Variants in WDR83 observed in about 807,000 individuals in gnomAD.
The protein encoded by WDR83 is WD repeat domain-containing protein 83.
In WDR83, 37 loss-of-function variants were observed where a neutral mutation model predicts 37.7. The ratio of observed to expected loss-of-function variants is 0.98; its 90% CI spans 0.76 to 1.29. The LOEUF is 1.29. Among genes scored for constraint, WDR83 ranks in the 50% most tolerant of loss-of-function variants. The pLI, the probability that WDR83 is intolerant of heterozygous loss-of-function variation, is 0.00. For missense variants in WDR83, 445 were observed against 414.4 expected (o/e 1.07, Z -0.64); for synonymous variants, 174 against 181.1 (o/e 0.96, Z 0.31).
At position 12,672,867 on chromosome 19, in the gene WDR83, G is replaced by A; in HGVS notation, c.527G>A (p.Arg176Lys). Residue 176 changes from arginine to lysine, a missense_variant, in exon 8 of 11, where the codon AGA (arginine) becomes AAA (lysine). Physicochemically the swap from Arg to Lys is conservative, Grantham distance 26. Coordinates refer to ENST00000418543, the MANE Select transcript of WDR83 (RefSeq NM_001099737.3). ...ILAGSVDGRVRRYDLRMGQLF... is the reference protein window; with the variant it reads ...ILAGSVDGRVKRYDLRMGQLF... ...TGCAGCTCCGTGGATGGCCGCGTGAGACGCTATGACCTAAGGATGGGGCAG... is the reference window on the plus strand; with the variant it reads ...TGCAGCTCCGTGGATGGCCGCGTGAAACGCTATGACCTAAGGATGGGGCAG... 1.3e-6 allele frequency: 2 copies of A among 1,591,084 alleles called. No homozygotes were observed. The highest frequency in any genetic ancestry group is 1.7e-6 in the Non-Finnish European group (2 of 1,168,608).
chr19:12,667,081 ACCTTCAG>A (rs1202674625), intron 1 of WDR83, 89 bp downstream of exon 1: 1 of 288,420 alleles, frequency 3.5e-6, no homozygotes, highest in Non-Finnish European at 6.6e-6. Flanking sequence ...CGTCCCATGG[ACCTTCAG>A]CGCTAGGGTC....
intron 1 of WDR83, 67 bp from the exon 2 acceptor site, chr19:12,668,441 G>T (rs1483685832): frequency 5.0e-6 from 8 of 1,613,432 alleles, no homozygotes; most frequent in Non-Finnish European, 6.8e-6. Context: ...ACAGGAGAGA[G>T]GTGTCAGTCT....
In WDR83 at chr19:12,672,994, A is replaced by AC. The variant is rs774450196; in HGVS notation, c.575-11dup. On this transcript the variant is annotated splice_polypyrimidine_tract_variant and intron_variant, in intron 8 of 10. Transcript: ENST00000418543. ...GCACCCCACCCTCACTCACCTACCC[A>AC]CCCTTCCCCCAAGGCCCCATCACCT... 6 of 1,574,012 alleles carry AC rather than the reference A, an allele frequency of 3.8e-6. No homozygotes were observed. The African/African-American group carries it at 8.1e-5, about 21-fold the overall frequency.
Position 12,666,826 on chromosome 19 carries a change from G to A in WDR83, c.-323G>A, listed in dbSNP as rs556845235. On this transcript the variant is annotated 5_prime_UTR_variant, in exon 1 of 11. Coordinates refer to ENST00000418543, the MANE Select transcript of WDR83 (RefSeq NM_001099737.3). ...CAGGGCGCGGTCTGGAGGCTCACGG[G>A]AGAGAGGCTGTAGCCCTGGGCAATC... 432 of 939,120 alleles carry A rather than the reference G, an allele frequency of 4.6e-4. No homozygotes were observed. The African/African-American group carries it at 6.7e-3, about 15-fold the overall frequency. 58.2% of individuals were successfully genotyped at this position (939,120 alleles called of 1,614,324 possible).
intron 10 of WDR83, among the ~76,000 whole-genome samples, chr19:12,673,947 G>C (rs1163341268): frequency 2.0e-5 from 3 of 152,136 alleles, no homozygotes; most frequent in Non-Finnish European, 4.4e-5. Flanking sequence ...TGATTCACCC[G>C]CCTCGGCCTC....
intron 2 of WDR83, chr19:12,669,242 G>A (rs1205772651): frequency 1.2e-6 from 2 of 1,613,838 alleles, no homozygotes; most frequent in East Asian, 4.5e-5. Flanking sequence ...ACCTGCGACA[G>A]GCTCGAGGGT....
In WDR83 at chr19:12,666,825, G is replaced by A; in HGVS notation, c.-324G>A. The A allele has an allele frequency of 2.1e-6, 2 of 951,888 alleles. No homozygotes were observed. Among genetic ancestry groups the A allele is most frequent in the South Asian group, 1.7e-5 (1 of 59,738 alleles). 59.0% of individuals were successfully genotyped at this position (951,888 alleles called of 1,614,324 possible). On this transcript the variant is annotated 5_prime_UTR_variant, in exon 1 of 11. Transcript: ENST00000418543. ...CCAGGGCGCGGTCTGGAGGCTCACG[G>A]GAGAGAGGCTGTAGCCCTGGGCAAT...
intron 2 of WDR83, 62 bp from the exon 3 acceptor site, chr19:12,669,693 G>A: frequency 1.5e-6 from 2 of 1,304,684 alleles, no homozygotes; most frequent in African/African-American, 1.5e-5. Flanking sequence ...AGTAGGTCAG[G>A]AAGAACAATA....
chr19:12,671,606 C>T (rs2024419200), intron 7 of WDR83, among the ~76,000 whole-genome samples: 1 of 151,374 alleles, frequency 6.6e-6, no homozygotes. Context: ...GAGCCGACAT[C>T]GCACCACTAC....
At chr19:12,669,530 G>A in intron 2 of WDR83, 1 of 1,186,486 alleles carries the variant, frequency 8.4e-7, no homozygotes, top group South Asian at 1.4e-5. Flanking sequence ...ACAGAGGCTT[G>A]GACTCCCCTT....
chr19:12,669,276 C>T (rs774202938), intron 2 of WDR83: 3 of 1,609,656 alleles, frequency 1.9e-6, no homozygotes, highest in African/African-American at 2.7e-5. Context: ...GTCCTGCCCC[C>T]GGGATAGACA....
chr19:12,673,269 G>A lies in WDR83; in HGVS notation c.751G>A (p.Val251Ile). ...CCTGAGCGAGCGTGACACACATGTG[G>A]TCAGCTGTTCTGAGGACGGGAAGGT... ...CCLSERDTHV[V>I]SCSEDGKVFF... Residue 251 changes from valine to isoleucine, a missense_variant, in exon 10 of 11, where the codon GTC becomes ATC. Physicochemically the swap from Val to Ile is conservative, Grantham distance 29. Transcript: ENST00000418543. 6.2e-7 allele frequency: 1 copy of A among 1,614,128 alleles called. No individual in the cohort carries two copies.
In WDR83 at chr19:12,672,663, G is replaced by A. The variant is rs1443928096; in HGVS notation, c.507-184G>A. On this transcript the variant is annotated intron_variant, in intron 7 of 10. Coordinates refer to ENST00000418543, the MANE Select transcript of WDR83 (RefSeq NM_001099737.3). ...AGGACTCCAAGGGCTTGGAAAGGGGGTGTGGGTCTTGGAAATGATGGAGTA... is the reference window on the plus strand; with the variant it reads ...AGGACTCCAAGGGCTTGGAAAGGGGATGTGGGTCTTGGAAATGATGGAGTA... 6.4e-6 allele frequency: 4 copies of A among 628,188 alleles called. No individual in the cohort carries two copies. In the Admixed American group the frequency reaches 1.0e-4, roughly 16 times the overall value. 38.9% of individuals were successfully genotyped at this position (628,188 alleles called of 1,614,324 possible). A position where few individuals can be genotyped will look rare whatever the true frequency, so the allele number is the denominator to read the frequency against.
chr19:12,670,392 G>A, intron 5 of WDR83, 107 bp downstream of exon 5: 1 of 1,508,830 alleles, frequency 6.6e-7, no homozygotes. Flanking sequence ...TTCCCCAGAT[G>A]ACGATCCCCC....
chr19:12,670,721 T>G lies in WDR83; in HGVS notation c.406T>G (p.Trp136Gly). 1.2e-6 allele frequency: 2 copies of G among 1,614,164 alleles called. No individual in the cohort carries two copies. The highest frequency in any genetic ancestry group is 1.7e-6 in the Non-Finnish European group (2 of 1,180,016). Residue 136 changes from tryptophan (W) to glycine (G), a missense_variant, in exon 7 of 11, where the codon TGG (tryptophan) becomes GGG (glycine). Transcript: ENST00000418543. ...SGSIDSSIRC[W>G]DCRSRRPEPV... Reference sequence around the variant, plus strand: ...CTCTATTGATTCCAGTATCCGCTGTTGGGATTGCCGCTCACGGAGGCCTGA... The same window carrying G: ...CTCTATTGATTCCAGTATCCGCTGTGGGGATTGCCGCTCACGGAGGCCTGA...
At chr19:12,672,986 A>G (rs776226264) in intron 8 of WDR83, 22 bp from the exon 9 acceptor site, 1 of 1,607,086 alleles carries the variant, frequency 6.2e-7, no homozygotes, top group South Asian at 1.1e-5. Flanking sequence ...ACCCTCACTC[A>G]CCTACCCACC....
At position 12,669,525 on chromosome 19, in the gene WDR83, G is replaced by C. The variant is rs186561556; in HGVS notation, c.-36-230G>C. ...TCGCATTTCCGTTCCTCATGACAGA[G>C]GCTTGGACTCCCCTTACCCAGAGAA... On this transcript the variant is annotated intron_variant, in intron 2 of 10. Coordinates refer to ENST00000418543, the MANE Select transcript of WDR83 (RefSeq NM_001099737.3). 8,139 of 1,232,618 alleles carry C rather than the reference G, an allele frequency of 6.6e-3. 48 individuals are homozygous for C. The highest frequency in any genetic ancestry group is 8.2e-3 in the Non-Finnish European group (7,147 of 869,484). The allele number at this position is 1,232,618 out of a possible 1,614,324, so 76.4% of individuals were successfully genotyped here. A position where few individuals can be genotyped will look rare whatever the true frequency, so the allele number is the denominator to read the frequency against.
chr19:12,668,029 G>T, intron 1 of WDR83: 2 of 279,232 alleles, frequency 7.2e-6, no homozygotes. Context: ...AGCCCTTCCC[G>T]CCAGGTAGGA....
chr19:12,672,843 G>A lies in WDR83; in HGVS notation c.507-4G>A, dbSNP rs780569389. 4 of 1,577,628 alleles carry A rather than the reference G, an allele frequency of 2.5e-6. No individual in the cohort carries two copies. The highest frequency in any genetic ancestry group is 2.6e-6 in the Non-Finnish European group (3 of 1,161,686). On this transcript the variant is annotated splice_polypyrimidine_tract_variant and splice_region_variant and intron_variant, in intron 7 of 10. Transcript: ENST00000418543. ...GTTCCCGCTGGATCTACCCTCTCCTGCAGCTCCGTGGATGGCCGCGTGAGA... is the reference window on the plus strand; with the variant it reads ...GTTCCCGCTGGATCTACCCTCTCCTACAGCTCCGTGGATGGCCGCGTGAGA...
Sources: gnomAD v4.1 joint callset for allele counts (sites outside exome capture counted in the v4.1 genomes callset) on GRCh38, gnomAD v4.1.1 for gene constraint, MANE v1.5 for transcripts, NCBI Gene and HGNC (gene_info 2026-07-23, HGNC 2026-07-21) for gene names.